The following ENOX2 variants were observed in gnomAD, a reference collection of about 807,000 sequenced individuals.
ENOX2 encodes ecto-NOX disulfide-thiol exchanger 2.
In ENOX2, 36 loss-of-function variants were observed where a neutral mutation model predicts 45.0. The observed-to-expected ratio is 0.80, with a 90% confidence interval of 0.61 to 1.06. ENOX2 has a LOEUF of 1.06. Among genes scored for constraint, ENOX2 ranks in the 50% least tolerant of loss-of-function variants. The pLI, the probability that ENOX2 is intolerant of heterozygous loss-of-function variation, is 0.00. For missense variants in ENOX2, 423 were observed against 462.5 expected (o/e 0.91, Z 0.78); for synonymous variants, 174 against 152.3 (o/e 1.14, Z -1.05).
chrX:130,666,677 G>C (rs908428318), intron 8 of ENOX2, among the ~76,000 whole-genome samples: 1 of 111,088 alleles, frequency 9.0e-6, no homozygotes, highest in Non-Finnish European at 1.9e-5. Context: ...ATGTGCTTTT[G>C]CCTCCTGGAT....
intron 2 of ENOX2, among the ~76,000 whole-genome samples, chrX:130,893,678 G>A (rs753733973): frequency 2.7e-5 from 3 of 112,353 alleles, no homozygotes; most frequent in East Asian, 2.8e-4. Context: ...GGTACAATTT[G>A]TTTGGGCACA....
At chrX:130,738,267 T>C (rs768818990) in intron 3 of ENOX2, among the ~76,000 whole-genome samples, 2 of 112,529 alleles carry the variant, frequency 1.8e-5, no homozygotes, top group South Asian at 7.4e-4. Flanking sequence ...GTAAGTGCCA[T>C]ATTCTGAATT....
intron 13 of ENOX2, among the ~76,000 whole-genome samples, chrX:130,630,962 TTAAA>T (rs1351044748): frequency 2.0e-5 from 1 of 49,878 alleles, no homozygotes; most frequent in African/African-American, 6.6e-5. Context: ...TGTCTGGAGG[TTAAA>T]ACAAACAAAC....
At chrX:130,801,232 C>G (rs751415789) in intron 2 of ENOX2, among the ~76,000 whole-genome samples, 23 of 112,294 alleles carry the variant, frequency 2.0e-4, no homozygotes, top group Non-Finnish European at 3.9e-4. Flanking sequence ...TAGAATAACA[C>G]GGCTTAGCAA....
At chrX:130,678,816 G>T (rs1341488631) in intron 6 of ENOX2, among the ~76,000 whole-genome samples, 1 of 111,516 alleles carries the variant, frequency 9.0e-6, no homozygotes, top group African/African-American at 3.3e-5. Flanking sequence ...TGCATCCCCA[G>T]CAACCTAGCA....
At chrX:130,629,760 T>C (rs1051776771) in intron 13 of ENOX2, among the ~76,000 whole-genome samples, 6 of 112,029 alleles carry the variant, frequency 5.4e-5, no homozygotes, top group African/African-American at 1.9e-4. Flanking sequence ...GGCTACTGTA[T>C]AGCTCAGCTT....
intron 2 of ENOX2, among the ~76,000 whole-genome samples, chrX:130,886,779 A>G (rs1365975555): frequency 8.9e-6 from 1 of 111,975 alleles, no homozygotes; most frequent in East Asian, 2.8e-4. Context: ...AAGTTTCCCT[A>G]CTCTTAGGTA....
chrX:130,658,061 C>T lies in ENOX2; in HGVS notation c.1015-1366G>A, dbSNP rs753556166. On this transcript the variant is annotated intron_variant, in intron 9 of 14. Transcript: ENST00000394363. ...ATAAAAAGAACCAAGGATTCTTTTG[C>T]CTGGAAATAAAAAGAACCAAGCATT... Among the ~76,000 whole-genome samples, 4 of 111,396 alleles carry T rather than the reference C, an allele frequency of 3.6e-5. No individual in the cohort carries two copies. In the South Asian group the frequency reaches 1.5e-3, roughly 42 times the overall value.
chrX:130,666,312 T>C (rs1057466278), intron 8 of ENOX2, among the ~76,000 whole-genome samples: 16 of 112,113 alleles, frequency 1.4e-4, no homozygotes, highest in Admixed American at 1.4e-3. Flanking sequence ...CAAGATAGAC[T>C]CGTTGACTGG....
chrX:130,890,869 A>G (rs1365637833), intron 2 of ENOX2, among the ~76,000 whole-genome samples: 2 of 113,085 alleles, frequency 1.8e-5, no homozygotes, highest in South Asian at 3.6e-4. Context: ...CTTGCTTGCC[A>G]TGAAATGGCC....
intron 2 of ENOX2, among the ~76,000 whole-genome samples, chrX:130,873,533 C>T (rs1448731379): frequency 1.8e-5 from 2 of 111,717 alleles, no homozygotes; most frequent in Admixed American, 9.4e-5. Flanking sequence ...ACCCAGCAAT[C>T]CCATTACTGG....
chrX:130,681,958 T>A (rs2037313395), intron 5 of ENOX2, among the ~76,000 whole-genome samples: 1 of 109,346 alleles, frequency 9.1e-6, no homozygotes, highest in Non-Finnish European at 1.9e-5. Context: ...GAACCACTCA[T>A]ATGGATAGAG....
rs2036943673 is a variant in ENOX2 at position 130,670,151 on chromosome X, T to C, written c.508A>G (p.Arg170Gly). Residue 170 changes from arginine (R) to glycine (G), a missense_variant, in exon 7 of 15, where the codon AGA (arginine) becomes GGA (glycine). Transcript: ENST00000394363. Reference sequence around the variant, plus strand: ...GCCTGTGCGAAATCAACGTGGAGTCTGCCTGTGTCCTTCTTGTCAGTACTA... The same window carrying C: ...GCCTGTGCGAAATCAACGTGGAGTCCGCCTGTGTCCTTCTTGTCAGTACTA... ...GSSTDKKDTG[R>G]LHVDFAQARD... is the part of the protein sequence containing the mutation. 1 of 1,209,265 alleles carries C rather than the reference T, an allele frequency of 8.3e-7. No individual in the cohort carries two copies. Among genetic ancestry groups the C allele is most frequent in the Admixed American group, 2.2e-5 (1 of 45,678 alleles).
At chrX:130,756,127 G>C (rs183072934) in intron 3 of ENOX2, among the ~76,000 whole-genome samples, 64 of 112,059 alleles carry the variant, frequency 5.7e-4, no homozygotes, top group African/African-American at 2.1e-3. Flanking sequence ...GACTTATTTA[G>C]CTCTTACGGG....
intron 2 of ENOX2, among the ~76,000 whole-genome samples, chrX:130,812,143 A>G (rs946641766): frequency 8.0e-5 from 9 of 112,242 alleles, no homozygotes; most frequent in Admixed American, 4.7e-4. Flanking sequence ...TATAAAGCTT[A>G]TTGCTTAAAT....
chrX:130,664,795 T>C (rs1473629651), intron 9 of ENOX2, among the ~76,000 whole-genome samples: 2 of 112,629 alleles, frequency 1.8e-5, no homozygotes, highest in Non-Finnish European at 3.7e-5. Context: ...TGAAAGCACT[T>C]TATAAATGTA....
chrX:130,872,627 G>A (rs753512745), intron 2 of ENOX2, among the ~76,000 whole-genome samples: 235 of 111,934 alleles, frequency 2.1e-3, no homozygotes, highest in Non-Finnish European at 3.8e-3. Flanking sequence ...GAAGCATCAC[G>A]CTACCTGATG....
chrX:130,872,248 T>C (rs1267446649), intron 2 of ENOX2, among the ~76,000 whole-genome samples: 1 of 112,608 alleles, frequency 8.9e-6, no homozygotes, highest in Non-Finnish European at 1.9e-5. Flanking sequence ...AAAGCACGTA[T>C]TAAGCTATAG....
intron 4 of ENOX2, among the ~76,000 whole-genome samples, chrX:130,695,286 C>A (rs1389614143): frequency 1.8e-5 from 2 of 111,817 alleles, no homozygotes; most frequent in African/African-American, 6.5e-5. Flanking sequence ...GTTTTGGGGC[C>A]TCTTTTTAAA....
Sources: gnomAD v4.1 joint callset for allele counts (sites outside exome capture counted in the v4.1 genomes callset) on GRCh38, gnomAD v4.1.1 for gene constraint, MANE v1.5 for transcripts, NCBI Gene and HGNC (gene_info 2026-07-23, HGNC 2026-07-21) for gene names.